Variants in BMERB1 observed in about 807,000 individuals in gnomAD.
BMERB1 encodes bMERB domain-containing protein 1.
A neutral mutation model predicts 23.6 loss-of-function variants in BMERB1; 12 were observed. That is an observed-to-expected ratio of 0.51 (90% CI 0.33 to 0.82). BMERB1 has a LOEUF of 0.82. Among genes scored for constraint, BMERB1 ranks in the 40% least tolerant of loss-of-function variants. The probability of loss-of-function intolerance (pLI) is 0.03; values close to 1 mark genes in which losing one functional copy is unlikely to be tolerated. For missense variants in BMERB1, 247 were observed against 255.4 expected (o/e 0.97, Z 0.22); for synonymous variants, 122 against 96.6 (o/e 1.26, Z -1.54).
chr16:15,493,058 C>T (rs2051437652), intron 1 of BMERB1, among the ~76,000 whole-genome samples: 1 of 151,924 alleles, frequency 6.6e-6, no homozygotes, highest in Non-Finnish European at 1.5e-5. Flanking sequence ...TGTGCAGTAC[C>T]CCTTAAAACT....
chr16:15,490,629 G>A (rs1185157717), intron 1 of BMERB1, among the ~76,000 whole-genome samples: 2 of 152,102 alleles, frequency 1.3e-5, no homozygotes, highest in African/African-American at 4.8e-5. Context: ...GTGTGATCCT[G>A]GGTGCGTGTG....
chr16:15,584,641 G>A (rs2031097570), intron 5 of BMERB1, among the ~76,000 whole-genome samples: 1 of 151,912 alleles, frequency 6.6e-6, no homozygotes, highest in Non-Finnish European at 1.5e-5. Flanking sequence ...GTTGGAGAAA[G>A]AGCAACAAGA....
At chr16:15,486,383 T>C (rs1262203029) in intron 1 of BMERB1, among the ~76,000 whole-genome samples, 1 of 151,964 alleles carries the variant, frequency 6.6e-6, no homozygotes, top group Non-Finnish European at 1.5e-5. Flanking sequence ...GGGGATAGAG[T>C]CCATTGTGAA....
intron 1 of BMERB1, among the ~76,000 whole-genome samples, chr16:15,483,224 G>C (rs982074253): frequency 6.6e-6 from 1 of 152,162 alleles, no homozygotes. Flanking sequence ...AAAGGTTGCT[G>C]TTGTGAGTTA....
At chr16:15,577,046 G>A (rs1406577450) in intron 3 of BMERB1, 1 of 152,176 alleles carries the variant, frequency 6.6e-6, no homozygotes, top group Admixed American at 6.5e-5. Context: ...TAGTGCATGG[G>A]AAGGCTGGCC....
At chr16:15,563,632 A>G (rs1219394595) in intron 2 of BMERB1, among the ~76,000 whole-genome samples, 1 of 152,170 alleles carries the variant, frequency 6.6e-6, no homozygotes, top group Non-Finnish European at 1.5e-5. Context: ...GGGAGGCCTC[A>G]GGAAACTTAC....
chr16:15,491,231 T>C (rs185241478), intron 1 of BMERB1, among the ~76,000 whole-genome samples: 1 of 152,366 alleles, frequency 6.6e-6, no homozygotes, highest in Admixed American at 6.5e-5. Flanking sequence ...TCCCAGGCTT[T>C]GCACACATTA....
chr16:15,502,990 TG>T (rs1448399619), intron 1 of BMERB1, among the ~76,000 whole-genome samples: 1 of 152,180 alleles, frequency 6.6e-6, no homozygotes, highest in Non-Finnish European at 1.5e-5. Context: ...CCACTCTTTG[TG>T]ATGTCTAGGC....
At chr16:15,544,092 AG>A (rs1206876591) in intron 2 of BMERB1, among the ~76,000 whole-genome samples, 1 of 152,208 alleles carries the variant, frequency 6.6e-6, no homozygotes, top group Non-Finnish European at 1.5e-5. Context: ...TCTGTCCAGT[AG>A]AAAAAAGACG....
intron 1 of BMERB1, among the ~76,000 whole-genome samples, chr16:15,504,384 A>G (rs1380331650): frequency 3.3e-5 from 5 of 152,214 alleles, no homozygotes; most frequent in African/African-American, 9.7e-5. Flanking sequence ...AATGTTAACA[A>G]TAGTGGAAAT....
chr16:15,502,038 A>G (rs2051535343), intron 1 of BMERB1, among the ~76,000 whole-genome samples: 1 of 152,176 alleles, frequency 6.6e-6, no homozygotes, highest in Non-Finnish European at 1.5e-5. Flanking sequence ...CCCCCGATTT[A>G]CAGATAAGGA....
intron 1 of BMERB1, among the ~76,000 whole-genome samples, chr16:15,505,638 C>T (rs1038355683): frequency 6.6e-6 from 1 of 152,030 alleles, no homozygotes; most frequent in African/African-American, 2.4e-5. Flanking sequence ...GCCTGTAATC[C>T]CAGCACTTTG....
chr16:15,469,256 G>A (rs143886786), intron 1 of BMERB1, among the ~76,000 whole-genome samples: 2 of 152,168 alleles, frequency 1.3e-5, no homozygotes, highest in Middle Eastern at 3.4e-3. Flanking sequence ...ATGAGCCACT[G>A]CACCCACCCT....
At chr16:15,478,992 CTTTTGTT>C (rs1239978001) in intron 1 of BMERB1, among the ~76,000 whole-genome samples, 5 of 152,134 alleles carry the variant, frequency 3.3e-5, no homozygotes, top group African/African-American at 1.2e-4. Flanking sequence ...TGCCTTTTGT[CTTTTGTT>C]TTTTGTTTGC....
chr16:15,503,366 C>T (rs1449845307), intron 1 of BMERB1, among the ~76,000 whole-genome samples: 2 of 151,934 alleles, frequency 1.3e-5, no homozygotes, highest in Non-Finnish European at 2.9e-5. Flanking sequence ...ACTGCAAACT[C>T]CGCCTCCCGG....
intron 2 of BMERB1, among the ~76,000 whole-genome samples, chr16:15,547,513 T>G (rs2029957693): frequency 1.3e-5 from 2 of 151,604 alleles, no homozygotes; most frequent in South Asian, 2.1e-4. Context: ...CAGCTAATTT[T>G]TTTTGTATTT....
intron 1 of BMERB1, among the ~76,000 whole-genome samples, chr16:15,451,265 A>T (rs2051038921): frequency 6.6e-6 from 1 of 152,010 alleles, no homozygotes; most frequent in Admixed American, 6.6e-5. Flanking sequence ...GATCTCTGCT[A>T]CTGCAGTCCC....
At chr16:15,503,171 G>T (rs567393269) in intron 1 of BMERB1, among the ~76,000 whole-genome samples, 1 of 152,322 alleles carries the variant, frequency 6.6e-6, no homozygotes, top group South Asian at 2.1e-4. Context: ...TGATGTGTAG[G>T]CATCCTATTA....
chr16:15,501,609 G>T (rs2051531318), intron 1 of BMERB1, among the ~76,000 whole-genome samples: 1 of 152,138 alleles, frequency 6.6e-6, no homozygotes, highest in South Asian at 2.1e-4. Context: ...TGAATAGCTG[G>T]GATTACAGGC....
Sources: gnomAD v4.1 joint callset for allele counts (sites outside exome capture counted in the v4.1 genomes callset) on GRCh38, gnomAD v4.1.1 for gene constraint, MANE v1.5 for transcripts, NCBI Gene and HGNC (gene_info 2026-07-23, HGNC 2026-07-21) for gene names.